The following NTRK2 variants were observed in gnomAD, a reference collection of about 807,000 sequenced individuals.
NTRK2 encodes the protein neurotrophic receptor tyrosine kinase 2.
In NTRK2, 13 loss-of-function variants were observed where a neutral mutation model predicts 94.5. That is an observed-to-expected ratio of 0.14 (90% CI 0.09 to 0.22). NTRK2 has a LOEUF of 0.22. Ranked by LOEUF, NTRK2 falls within the 10% of genes least tolerant of loss-of-function variation. The probability of loss-of-function intolerance (pLI) is 1.00; values close to 1 mark genes in which losing one functional copy is unlikely to be tolerated. For missense variants in NTRK2, 639 were observed against 1,071.2 expected (o/e 0.60, Z 5.63); for synonymous variants, 372 against 407.4 (o/e 0.91, Z 1.05).
At position 84,904,652 on chromosome 9, in the gene NTRK2, A is replaced by G. The variant is rs192939648; in HGVS notation, c.1634-29510A>G. On this transcript the variant is annotated intron_variant, in intron 14 of 18. Transcript: ENST00000277120. ...TATTCTGTGAAGGTGTATGGGAGGT[A>G]TTTCTGTCATATTACATATGCTTGT... Among the ~76,000 whole-genome samples the G allele has an allele frequency of 3.3e-5, 5 of 152,312 alleles. No individual in the cohort carries two copies. The East Asian group carries it at 9.6e-4, about 29-fold the overall frequency.
intron 12 of NTRK2, among the ~76,000 whole-genome samples, chr9:84,766,725 G>A (rs578217609): frequency 3.3e-5 from 5 of 151,344 alleles, no homozygotes; most frequent in South Asian, 4.2e-4. Context: ...CACATTCAAT[G>A]CACACAAACC....
chr9:84,728,662 G>A (rs1026730753), intron 9 of NTRK2, among the ~76,000 whole-genome samples: 5 of 152,022 alleles, frequency 3.3e-5, no homozygotes, highest in East Asian at 1.9e-4. Context: ...TTGCTTACCC[G>A]GGCTGACTGA....
chr9:84,781,509 C>T (rs1454305300), intron 12 of NTRK2, among the ~76,000 whole-genome samples: 1 of 151,616 alleles, frequency 6.6e-6, no homozygotes, highest in Non-Finnish European at 1.5e-5. Context: ...TTTTTGCTTC[C>T]CGTTGAAAAT....
At chr9:84,700,247 T>C (rs1045430898) in intron 2 of NTRK2, among the ~76,000 whole-genome samples, 1 of 152,252 alleles carries the variant, frequency 6.6e-6, no homozygotes, top group Non-Finnish European at 1.5e-5. Flanking sequence ...TGTGAGATCA[T>C]TTAGAAGAGT....
At chr9:84,864,316 G>A (rs987209293) in intron 13 of NTRK2, among the ~76,000 whole-genome samples, 3 of 151,942 alleles carry the variant, frequency 2.0e-5, no homozygotes, top group Non-Finnish European at 4.4e-5. Flanking sequence ...CTGTACAAAG[G>A]CATAAGAATG....
intron 9 of NTRK2, among the ~76,000 whole-genome samples, chr9:84,738,741 A>C (rs2063427164): frequency 6.6e-6 from 1 of 152,134 alleles, no homozygotes; most frequent in Non-Finnish European, 1.5e-5. Flanking sequence ...TGTTGTGGTG[A>C]GTAGACCTTT....
intron 12 of NTRK2, among the ~76,000 whole-genome samples, chr9:84,782,884 G>A (rs1172038154): frequency 1.3e-5 from 2 of 152,134 alleles, no homozygotes; most frequent in African/African-American, 4.8e-5. Context: ...ATCAAGTCAC[G>A]ATGCTTAATC....
At chr9:84,980,810 CGTG>C (rs1564522258) in intron 17 of NTRK2, among the ~76,000 whole-genome samples, 1 of 152,176 alleles carries the variant, frequency 6.6e-6, no homozygotes, top group East Asian at 1.9e-4. Flanking sequence ...CGCGTAAGCT[CGTG>C]ATGCCAAATG....
chr9:84,724,282 G>C lies in NTRK2; in HGVS notation c.779G>C (p.Ser260Thr). Residue 260 changes from serine (S) to threonine (T), a missense_variant, in exon 8 of 19, where the codon AGT (serine) becomes ACT (threonine). Physicochemically the swap from Ser to Thr is moderately conservative, Grantham distance 58. Around this residue, in one of 5 missense-constraint regions of NTRK2, gnomAD observed 343 missense variants for 571.5 expected, o/e 0.60. Transcript: ENST00000277120. ...ATAACTAACATTTCATCCGATGACA[G>C]TGGGAAGCAGATCTCTTGTGTGGCG... ...LRITNISSDD[S>T]GKQISCVAEN... is the part of the protein sequence containing the mutation. 6.2e-7 allele frequency: 1 copy of C among 1,614,114 alleles called. No individual in the cohort carries two copies. The highest frequency in any genetic ancestry group is 8.5e-7 in the Non-Finnish European group (1 of 1,179,970).
intron 12 of NTRK2, chr9:84,812,056 A>T: frequency 1.9e-6 from 2 of 1,060,544 alleles, no homozygotes; most frequent in Middle Eastern, 4.2e-4. Context: ...TGTTTTAAAA[A>T]TTTATTTTTT....
At chr9:84,850,328 A>T (rs2074698810) in intron 12 of NTRK2, among the ~76,000 whole-genome samples, 1 of 152,224 alleles carries the variant, frequency 6.6e-6, no homozygotes, top group African/African-American at 2.4e-5. Flanking sequence ...CCCAGCATTT[A>T]TCACACTGTC....
chr9:84,679,042 C>T (rs919711677), intron 2 of NTRK2, among the ~76,000 whole-genome samples: 1 of 152,164 alleles, frequency 6.6e-6, no homozygotes, highest in African/African-American at 2.4e-5. Flanking sequence ...GTTTGTCCTT[C>T]CTGCCATGTG....
chr9:84,981,951 G>A lies in NTRK2; in HGVS notation c.2172+26434G>A, dbSNP rs538229475. 3.0e-4 allele frequency among the ~76,000 whole-genome samples: 46 copies of A among 152,316 alleles called. 1 individual carries two copies. The South Asian group carries it at 8.7e-3, about 29-fold the overall frequency. ...AAGCCAGCTGATCGATTAGTATCAC[G>A]TGGAAGAACTAACCAAGGGATTTAA... On this transcript the variant is annotated intron_variant, in intron 17 of 18. Transcript: ENST00000277120.
At chr9:84,723,834 T>A in intron 7 of NTRK2, 125 bp downstream of exon 7, 1 of 1,332,526 alleles carries the variant, frequency 7.5e-7, no homozygotes, top group Non-Finnish European at 1.1e-6. Flanking sequence ...TTACAAAGAG[T>A]TTTTGATGTA....
At chr9:84,813,341 T>C in intron 12 of NTRK2, 2 of 1,025,546 alleles carry the variant, frequency 2.0e-6, no homozygotes, top group Non-Finnish European at 1.2e-6. Flanking sequence ...CTGGATTTCG[T>C]GTGAAATGTC....
At chr9:84,785,134 A>C (rs1341446711) in intron 12 of NTRK2, among the ~76,000 whole-genome samples, 1 of 152,164 alleles carries the variant, frequency 6.6e-6, no homozygotes, top group Non-Finnish European at 1.5e-5. Context: ...TTCCCCTGAG[A>C]CCTCTGAACA....
At chr9:84,889,237 G>T (rs1324074629) in intron 14 of NTRK2, among the ~76,000 whole-genome samples, 1 of 149,922 alleles carries the variant, frequency 6.7e-6, no homozygotes, top group Non-Finnish European at 1.5e-5. Context: ...TGATCCGCCC[G>T]CCTCGGCCTC....
In NTRK2 at chr9:84,799,589, ATT is replaced by A. The variant is rs11362644; in HGVS notation, c.1396+47515_1396+47516del. ...GTAGCTATACGGGTTTAGGATGGGG[ATT>A]TTTTTTTTTTCCTAGAGATTAGGAC... On this transcript the variant is annotated intron_variant, in intron 12 of 18. Transcript: ENST00000277120. Among the ~76,000 whole-genome samples the A allele has an allele frequency of 3.6e-3, 542 of 149,414 alleles. 5 individuals are homozygous for A. The highest frequency in any genetic ancestry group is 0.011 in the African/African-American group (455 of 40,614).
intron 12 of NTRK2, among the ~76,000 whole-genome samples, chr9:84,776,113 C>A (rs2067006018): frequency 1.3e-5 from 2 of 151,934 alleles, no homozygotes; most frequent in Non-Finnish European, 1.5e-5. Context: ...CAGTTGGTAC[C>A]TGTCTATCTA....
Sources: gnomAD v4.1 joint callset for allele counts (sites outside exome capture counted in the v4.1 genomes callset) on GRCh38, gnomAD v4.1.1 for gene constraint, gnomAD v4.1.1 regional missense constraint, MANE v1.5 for transcripts, NCBI Gene and HGNC (gene_info 2026-07-23, HGNC 2026-07-21) for gene names.